NHSL2: variants seen among roughly 807,000 people sequenced by gnomAD.
The protein encoded by NHSL2 is NHS-like protein 2.
NHSL2 carries 27 observed loss-of-function variants against 53.4 expected under a neutral mutation model. The observed-to-expected ratio is 0.51, with a 90% confidence interval of 0.37 to 0.70. The LOEUF (loss-of-function observed/expected upper bound fraction) is 0.70. NHSL2 is among the 30% of genes least tolerant of loss of function. The probability of loss-of-function intolerance (pLI) is 0.00; values close to 1 mark genes in which losing one functional copy is unlikely to be tolerated. For synonymous variants in NHSL2, 408 were observed against 404.1 expected (o/e 1.01, Z -0.12); for missense variants, 892 against 980.1 (o/e 0.91, Z 1.20).
intron 1 of NHSL2, among the ~76,000 whole-genome samples, chrX:71,970,549 T>C (rs767633573): frequency 4.9e-4 from 55 of 111,372 alleles, no homozygotes; most frequent in Non-Finnish European, 6.0e-4. Context: ...ATTTCTCTTT[T>C]TATTTCTGTA....
In NHSL2 at chrX:71,941,807, A is replaced by G. The variant is rs761763744; in HGVS notation, c.280+30440A>G. On this transcript the variant is annotated intron_variant, in intron 1 of 7. Transcript: ENST00000633930. ...ATAAACACAGTCTTCTTTCCTTCAC[A>G]CCAGCTCTTTACCATTTTCTGGTCT... Among the ~76,000 whole-genome samples, 3 of 111,883 alleles carry G rather than the reference A, an allele frequency of 2.7e-5. No homozygotes were observed. The South Asian group carries it at 1.1e-3, about 42-fold the overall frequency.
rs959830643 is a variant in NHSL2 at position 72,147,451 on chromosome X, G to T, written c.*3877G>T. ...TAGTCCTTCTGATTTGGGGTCGGGG[G>T]TTAACTCCCTATCTCTTGTTGCACC... On this transcript the variant is annotated 3_prime_UTR_variant, in exon 8 of 8. Coordinates refer to ENST00000633930, the MANE Select transcript of NHSL2 (RefSeq NM_001013627.3). 1 of 112,172 alleles carries T rather than the reference G, an allele frequency of 8.9e-6. No homozygotes were observed. 9.2% of individuals were successfully genotyped at this position (112,172 alleles called of 1,213,427 possible).
At chrX:72,045,438 C>T (rs983001693) in intron 1 of NHSL2, among the ~76,000 whole-genome samples, 1 of 110,743 alleles carries the variant, frequency 9.0e-6, no homozygotes, top group East Asian at 2.9e-4. Flanking sequence ...GATGTTGGCC[C>T]GACACACAGT....
chrX:71,949,783 C>A (rs1054093244), intron 1 of NHSL2, among the ~76,000 whole-genome samples: 1 of 113,017 alleles, frequency 8.8e-6, no homozygotes, highest in Admixed American at 9.3e-5. Flanking sequence ...GAGCCCACAG[C>A]GCAAACATAC....
chrX:72,126,122 C>T (rs1266550535), intron 1 of NHSL2, among the ~76,000 whole-genome samples: 1 of 112,023 alleles, frequency 8.9e-6, no homozygotes, highest in East Asian at 2.8e-4. Context: ...GCGAAAGTCC[C>T]TGGCACATGG....
intron 1 of NHSL2, among the ~76,000 whole-genome samples, chrX:71,947,328 G>A (rs943812692): frequency 5.4e-5 from 6 of 111,976 alleles, no homozygotes; most frequent in African/African-American, 1.6e-4. Context: ...ATGGGCCTCC[G>A]TTCCTAACCT....
chrX:72,018,755 C>A (rs760007438), intron 1 of NHSL2, among the ~76,000 whole-genome samples: 1 of 112,785 alleles, frequency 8.9e-6, no homozygotes, highest in East Asian at 2.8e-4. Context: ...CAGCCCGATG[C>A]CCGGCAGAGG....
rs5951244 is a variant in NHSL2, at chrX:72,053,217, C to T, written c.281-78862C>T. ...TCTGGTCTAATCAGCTGCTTCACCC[C>T]GCGCACCCCAGGCTTCTCAGCCATT... On this transcript the variant is annotated intron_variant, in intron 1 of 7. Coordinates refer to ENST00000633930, the MANE Select transcript of NHSL2 (RefSeq NM_001013627.3). 8.4e-3 allele frequency among the ~76,000 whole-genome samples: 939 copies of T among 111,850 alleles called. 7 individuals are homozygous for T. The highest frequency in any genetic ancestry group is 0.014 in the Non-Finnish European group (750 of 53,107).
Position 72,082,525 on chromosome X carries a change from C to A in NHSL2, c.281-49554C>A, listed in dbSNP as rs184508917. ...GTGAGGTGGGTACCATCCTTACCCA[C>A]ATTATACTCCAGTGAGGAGGCTTAA... On this transcript the variant is annotated intron_variant, in intron 1 of 7. Transcript: ENST00000633930. Among the ~76,000 whole-genome samples, 5 of 112,041 alleles carry A rather than the reference C, an allele frequency of 4.5e-5. No homozygotes were observed. The East Asian group carries it at 1.4e-3, about 31-fold the overall frequency.
chrX:72,027,967 GT>G (rs1387392533), intron 1 of NHSL2, among the ~76,000 whole-genome samples: 1 of 111,901 alleles, frequency 8.9e-6, no homozygotes, highest in Non-Finnish European at 1.9e-5. Flanking sequence ...GGAGTGTGAG[GT>G]GTTGAGTTTG....
chrX:71,992,892 G>T (rs759465673), intron 1 of NHSL2, among the ~76,000 whole-genome samples: 1 of 111,778 alleles, frequency 8.9e-6, no homozygotes, highest in African/African-American at 3.3e-5. Flanking sequence ...ATGACTGTGG[G>T]TGTGCTGTGT....
rs1489323690 is a variant in NHSL2 at position 71,910,909 on chromosome X, C to A, written c.-179C>A. On this transcript the variant is annotated 5_prime_UTR_variant, in exon 1 of 8. Transcript: ENST00000633930. ...GAGCCGGCGCTCTAGGCGAGGAACC[C>A]GTCAGCCCGCCTACCCGCCCGTCGT... The A allele has an allele frequency of 3.8e-6, 1 of 266,488 alleles. No homozygotes were observed. The highest frequency in any genetic ancestry group is 6.3e-6 in the Non-Finnish European group (1 of 158,665). 22.0% of individuals were successfully genotyped at this position (266,488 alleles called of 1,213,427 possible). A position where few individuals can be genotyped will look rare whatever the true frequency, so the allele number is the denominator to read the frequency against.
At chrX:72,122,990 G>C (rs752211757) in intron 1 of NHSL2, among the ~76,000 whole-genome samples, 2 of 112,792 alleles carry the variant, frequency 1.8e-5, no homozygotes, top group East Asian at 5.6e-4. Context: ...CTGCTCCCAA[G>C]TAGATCTCAA....
At chrX:72,142,393 G>A in intron 7 of NHSL2, 29 bp downstream of exon 7, 1 of 1,054,359 alleles carries the variant, frequency 9.5e-7, no homozygotes, top group Non-Finnish European at 1.3e-6. Context: ...AATTCTAATT[G>A]CAATTGCCTT....
intron 1 of NHSL2, among the ~76,000 whole-genome samples, chrX:72,090,120 G>A (rs113094532): frequency 4.3e-4 from 48 of 111,473 alleles, no homozygotes; most frequent in Middle Eastern, 9.2e-3. Context: ...CTGGAGTGCA[G>A]TGGTGCAATC....
intron 1 of NHSL2, among the ~76,000 whole-genome samples, chrX:72,046,531 G>A (rs924551655): frequency 8.0e-5 from 9 of 112,160 alleles, no homozygotes; most frequent in African/African-American, 2.9e-4. Flanking sequence ...GCTCATTATC[G>A]CTAAGGAATC....
At chrX:72,142,117 TC>T in intron 6 of NHSL2, 114 bp from the exon 7 acceptor site, 1 of 520,043 alleles carries the variant, frequency 1.9e-6, no homozygotes, top group Non-Finnish European at 3.0e-6. Flanking sequence ...ATTAAAAATC[TC>T]CACCCTGCTG....
At chrX:72,006,412 G>T (rs2042094579) in intron 1 of NHSL2, among the ~76,000 whole-genome samples, 1 of 111,837 alleles carries the variant, frequency 8.9e-6, no homozygotes, top group African/African-American at 3.3e-5. Flanking sequence ...AATACACACT[G>T]CCTTCCTCTC....
chrX:71,975,959 AC>A (rs1289613689), intron 1 of NHSL2, among the ~76,000 whole-genome samples: 1 of 110,780 alleles, frequency 9.0e-6, no homozygotes, highest in Non-Finnish European at 1.9e-5. Context: ...AAGTAGCAAA[AC>A]CCCCCACATC....
Sources: gnomAD v4.1 joint callset for allele counts (sites outside exome capture counted in the v4.1 genomes callset) on GRCh38, gnomAD v4.1.1 for gene constraint, MANE v1.5 for transcripts, NCBI Gene and HGNC (gene_info 2026-07-23, HGNC 2026-07-21) for gene names.